Variants in GLRA2 observed in about 807,000 individuals in gnomAD.
GLRA2 encodes the protein glycine receptor alpha 2, also known as glycine receptor subunit alpha-2.
GLRA2 carries 11 observed loss-of-function variants against 31.6 expected under a neutral mutation model. That is an observed-to-expected ratio of 0.35 (90% CI 0.22 to 0.58). The LOEUF (loss-of-function observed/expected upper bound fraction) is 0.58. Among genes scored for constraint, GLRA2 ranks in the 20% least tolerant of loss-of-function variants. The pLI is 0.84. For missense variants in GLRA2, 212 were observed against 351.8 expected (o/e 0.60, Z 3.18); for synonymous variants, 132 against 134.0 (o/e 0.99, Z 0.10).
chrX:14,497,369 T>G, the GLRA2 span, among the ~76,000 whole-genome samples: 1 of 112,197 alleles, frequency 8.9e-6, no homozygotes, highest in Non-Finnish European at 1.9e-5. Context: ...GCTACTTATT[T>G]CTAAAGCTCA....
intron 7 of GLRA2, among the ~76,000 whole-genome samples, chrX:14,623,876 A>G (rs1237189146): frequency 3.6e-5 from 4 of 111,694 alleles, no homozygotes; most frequent in African/African-American, 6.5e-5. Flanking sequence ...AATGAGTTAG[A>G]GAGGATTCCC....
intron 7 of GLRA2, among the ~76,000 whole-genome samples, chrX:14,665,421 A>G (rs2091028972): frequency 8.9e-6 from 1 of 111,980 alleles, no homozygotes; most frequent in Non-Finnish European, 1.9e-5. Context: ...CCATTAGCTG[A>G]TTTAGAAAGT....
chrX:14,709,264 C>A (rs1280621970), intron 8 of GLRA2, among the ~76,000 whole-genome samples: 1 of 110,960 alleles, frequency 9.0e-6, no homozygotes, highest in Non-Finnish European at 1.9e-5. Context: ...GGCTACAGAC[C>A]CCCCATCATG....
chrX:14,572,931 T>C (rs2089902285), intron 2 of GLRA2, among the ~76,000 whole-genome samples: 1 of 111,716 alleles, frequency 9.0e-6, no homozygotes, highest in African/African-American at 3.3e-5. Context: ...AATCCTGTTA[T>C]ACAAAAGTGT....
intron 2 of GLRA2, among the ~76,000 whole-genome samples, chrX:14,545,185 T>C (rs1016343411): frequency 1.8e-5 from 2 of 112,070 alleles, no homozygotes; most frequent in Non-Finnish European, 3.8e-5. Flanking sequence ...CAGAATACCA[T>C]AGACTGGGTA....
chrX:14,724,378 C>T (rs775093224), intron 8 of GLRA2, among the ~76,000 whole-genome samples: 1 of 110,200 alleles, frequency 9.1e-6, no homozygotes, highest in African/African-American at 3.3e-5. Flanking sequence ...GTAATCCCAG[C>T]ACTTTGGGAG....
At chrX:14,531,842 G>A (rs766120932) in intron 1 of GLRA2, among the ~76,000 whole-genome samples, 22 of 110,977 alleles carry the variant, frequency 2.0e-4, no homozygotes, top group South Asian at 7.4e-4. Context: ...ATTTAGGGCC[G>A]AAATGCTGAA....
At chrX:14,729,927 A>G (rs753184965) in intron 8 of GLRA2, among the ~76,000 whole-genome samples, 1 of 112,121 alleles carries the variant, frequency 8.9e-6, no homozygotes, top group South Asian at 3.7e-4. Flanking sequence ...AGATTTTGGG[A>G]AAGTCAGTAC....
chrX:14,704,345 T>C (rs903748574), intron 8 of GLRA2, among the ~76,000 whole-genome samples: 12 of 112,425 alleles, frequency 1.1e-4, no homozygotes, highest in African/African-American at 3.5e-4. Context: ...TAGCTCTTAA[T>C]TGGTGTAAGA....
intron 8 of GLRA2, among the ~76,000 whole-genome samples, chrX:14,700,761 T>TA (rs1227509679): frequency 9.1e-6 from 1 of 110,088 alleles, no homozygotes; most frequent in Admixed American, 9.7e-5. Context: ...AGGAGGCATA[T>TA]AGGCCATGGA....
At chrX:14,531,126 A>G in intron 1 of GLRA2, 4 of 935,886 alleles carry the variant, frequency 4.3e-6, no homozygotes, top group Non-Finnish European at 5.6e-6. Context: ...CACCACCACC[A>G]CCATCATAAT....
At chrX:14,453,985 A>G in the GLRA2 span, among the ~76,000 whole-genome samples, 3 of 111,956 alleles carry the variant, frequency 2.7e-5, no homozygotes, top group African/African-American at 6.5e-5. Flanking sequence ...ATCTTGACAT[A>G]AAATCATAGT....
At chrX:14,530,162 GT>G (rs1376489009) in intron 1 of GLRA2, 37 bp downstream of exon 1, 2 of 823,021 alleles carry the variant, frequency 2.4e-6, no homozygotes, top group Non-Finnish European at 1.8e-6. Context: ...TATTTAAATT[GT>G]TTAAAAGAGA....
At chrX:14,561,870 T>C (rs969153508) in intron 2 of GLRA2, among the ~76,000 whole-genome samples, 1 of 112,234 alleles carries the variant, frequency 8.9e-6, no homozygotes, top group Admixed American at 9.4e-5. Context: ...TGATTGCCTT[T>C]AGTCCTTTGA....
chrX:14,608,918 T>TTA, intron 6 of GLRA2, 73 bp from the exon 7 acceptor site: 1 of 464,215 alleles, frequency 2.2e-6, no homozygotes, highest in Non-Finnish European at 3.6e-6. Context: ...TTTTTTTTTT[T>TTA]AAACAACGTG....
chrX:14,512,238 C>T, the GLRA2 span, among the ~76,000 whole-genome samples: 1 of 110,793 alleles, frequency 9.0e-6, no homozygotes, highest in East Asian at 2.8e-4. Flanking sequence ...TGATTAAAAC[C>T]CTCAGCAAAA....
chrX:14,469,444 C>T, the GLRA2 span, among the ~76,000 whole-genome samples: 10 of 107,595 alleles, frequency 9.3e-5, no homozygotes, highest in African/African-American at 3.4e-4. Flanking sequence ...TGGAACCAAC[C>T]CAAATGTCCA....
intron 7 of GLRA2, among the ~76,000 whole-genome samples, chrX:14,674,825 T>C (rs1028471434): frequency 1.8e-5 from 2 of 110,017 alleles, no homozygotes; most frequent in African/African-American, 3.3e-5. Flanking sequence ...CAAACATTTA[T>C]TAAGTGAAGC....
At chrX:14,678,132 T>C (rs1339032749) in intron 7 of GLRA2, among the ~76,000 whole-genome samples, 2 of 111,722 alleles carry the variant, frequency 1.8e-5, no homozygotes, top group African/African-American at 6.5e-5. Context: ...GACAAAGTCA[T>C]CAGTGGGAAT....
Sources: gnomAD v4.1 joint callset for allele counts (sites outside exome capture counted in the v4.1 genomes callset) on GRCh38, gnomAD v4.1.1 for gene constraint, MANE v1.5 for transcripts, NCBI Gene and HGNC (gene_info 2026-07-23, HGNC 2026-07-21) for gene names.